Variants in EIF5B observed in about 807,000 individuals in gnomAD.
The protein encoded by EIF5B is eukaryotic translation initiation factor 5B, also known as eIF-5B.
Under a neutral mutation model 147.5 loss-of-function variants are expected in EIF5B, and 47 were observed. The ratio of observed to expected loss-of-function variants is 0.32; its 90% CI spans 0.25 to 0.41. The LOEUF is 0.41. EIF5B is among the 10% of genes least tolerant of loss of function. The probability of loss-of-function intolerance (pLI) is 1.00; values close to 1 mark genes in which losing one functional copy is unlikely to be tolerated. For synonymous variants in EIF5B, 455 were observed against 456.2 expected, an observed-to-expected ratio of 1.00 and a Z score of 0.03; for missense variants, 1,064 against 1,413.2, an observed-to-expected ratio of 0.75 and a Z score of 3.96.
Position 99,399,471 on chromosome 2 carries a change from A to G in EIF5B, c.*57A>G. 6.6e-7 allele frequency: 1 copy of G among 1,522,868 alleles called. No individual in the cohort carries two copies. Among genetic ancestry groups the G allele is most frequent in the Non-Finnish European group, 9.1e-7 (1 of 1,103,298 alleles). The allele number at this position is 1,522,868 out of a possible 1,614,324, so 94.3% of individuals were successfully genotyped here. A position where few individuals can be genotyped will look rare whatever the true frequency, so the allele number is the denominator to read the frequency against. On this transcript the variant is annotated 3_prime_UTR_variant, in exon 24 of 24. Transcript: ENST00000289371. ...TGCAATACTGTGTTGTAATATCCCA[A>G]CAAAAATCAGACAAAAAATGGAACA...
At chr2:99,391,392 G>GT (rs1435426747) in intron 17 of EIF5B, among the ~76,000 whole-genome samples, 6 of 152,148 alleles carry the variant, frequency 3.9e-5, no homozygotes, top group African/African-American at 1.2e-4. Flanking sequence ...GTCAGCTGTA[G>GT]TTTTTTAACA....
chr2:99,392,044 G>GA (rs942772373), intron 17 of EIF5B, among the ~76,000 whole-genome samples: 57 of 144,118 alleles, frequency 4.0e-4, no homozygotes, highest in South Asian at 6.5e-4. Context: ...TTCCTTTAGT[G>GA]AAAAAAAAAA....
chr2:99,397,986 C>T (rs557769359), intron 22 of EIF5B: 12 of 149,198 alleles, frequency 8.0e-5, no homozygotes, highest in African/African-American at 3.0e-4. Flanking sequence ...CTCAGATTTT[C>T]TATTGTGGTC....
intron 23 of EIF5B, 58 bp from the exon 24 acceptor site, chr2:99,399,249 C>T: frequency 6.5e-7 from 1 of 1,533,894 alleles, no homozygotes; most frequent in Non-Finnish European, 9.0e-7. Flanking sequence ...GGGGCCACAG[C>T]TTTCTTTGGC....
At chr2:99,339,282 G>A (rs961742322) in intron 1 of EIF5B, among the ~76,000 whole-genome samples, 5 of 151,724 alleles carry the variant, frequency 3.3e-5, no homozygotes, top group Non-Finnish European at 5.9e-5. Context: ...CAAAGTGCTG[G>A]GATTACAGGC....
At chr2:99,379,224 C>T in intron 11 of EIF5B, 94 bp from the exon 12 acceptor site, 1 of 1,393,904 alleles carries the variant, frequency 7.2e-7, no homozygotes. Context: ...ATAAGCAATT[C>T]TGCTTACAAT....
chr2:99,369,517 T>G (rs376791708), intron 8 of EIF5B, 36 bp downstream of exon 8: 1 of 1,504,590 alleles, frequency 6.6e-7, no homozygotes, highest in Non-Finnish European at 9.1e-7. Flanking sequence ...ATTAGTGAAT[T>G]CTTATTAAAT....
chr2:99,338,538 A>C, intron 1 of EIF5B: 1 of 332,768 alleles, frequency 3.0e-6, no homozygotes, highest in Admixed American at 4.2e-5. Flanking sequence ...AAGTTAAAAT[A>C]AGTTTACTAA....
In EIF5B at chr2:99,390,227, T is replaced by C. The variant is rs779089793; in HGVS notation, c.2412T>C (p.Asn804=). 1 of 1,614,078 alleles carries C rather than the reference T, an allele frequency of 6.2e-7. No homozygotes were observed. Among genetic ancestry groups the C allele is most frequent in the Admixed American group, 1.7e-5 (1 of 60,018 alleles). The part of the protein sequence containing the change: ...IIVEFAQQGL[N]AALFYENKDP... ...ATGATTTTTGCTCCTAGGGTTTGAATGCTGCTTTGTTTTATGAGAATAAAG... is the reference window on the plus strand; with the variant it reads ...ATGATTTTTGCTCCTAGGGTTTGAACGCTGCTTTGTTTTATGAGAATAAAG... The change falls in exon 16 of 24, where the codon AAT becomes AAC. Residue 804 remains asparagine (N), a synonymous_variant. Coordinates refer to ENST00000289371, the MANE Select transcript of EIF5B (RefSeq NM_015904.4).
At chr2:99,379,205 A>G (rs1467913666) in intron 11 of EIF5B, 79 bp downstream of exon 11, 7 of 1,411,256 alleles carry the variant, frequency 5.0e-6, no homozygotes, top group South Asian at 2.6e-5. Context: ...TTAGAGACCA[A>G]TAGGACATAT....
intron 6 of EIF5B, 28 bp downstream of exon 6, chr2:99,364,449 G>T (rs1216917988): frequency 4.5e-6 from 7 of 1,556,188 alleles, no homozygotes; most frequent in Non-Finnish European, 6.1e-6. Flanking sequence ...TTAACTGAAT[G>T]GTCAGAGAGC....
At chr2:99,352,622 A>C (rs1319830239) in intron 1 of EIF5B, among the ~76,000 whole-genome samples, 1 of 150,704 alleles carries the variant, frequency 6.6e-6, no homozygotes, top group Non-Finnish European at 1.5e-5. Context: ...GATTACAGGC[A>C]TGTGCCACCG....
At chr2:99,378,551 A>G (rs569893332) in intron 10 of EIF5B, among the ~76,000 whole-genome samples, 1 of 152,338 alleles carries the variant, frequency 6.6e-6, no homozygotes, top group African/African-American at 2.4e-5. Context: ...TATATTGGAT[A>G]AAAGTGTGAA....
chr2:99,370,763 A>G (rs1674430047), intron 8 of EIF5B, among the ~76,000 whole-genome samples: 1 of 152,222 alleles, frequency 6.6e-6, no homozygotes, highest in Non-Finnish European at 1.5e-5. Flanking sequence ...GTTAGATTTC[A>G]GTAAAGAAAA....
chr2:99,365,752 C>T (rs1013153595), intron 6 of EIF5B, among the ~76,000 whole-genome samples: 4 of 151,858 alleles, frequency 2.6e-5, no homozygotes, highest in African/African-American at 9.7e-5. Context: ...GTCTCTTACT[C>T]TTCATAGTGT....
rs1674968126 is a variant in EIF5B at position 99,393,037 on chromosome 2, A to G, written c.2819A>G (p.Lys940Arg). 1.1e-5 allele frequency: 17 copies of G among 1,593,506 alleles called. No individual in the cohort carries two copies. Among genetic ancestry groups the G allele is most frequent in the Non-Finnish European group, 1.5e-5 (17 of 1,170,050 alleles). The change falls in exon 18 of 24, where the codon AAA becomes AGA. Residue 940 changes from lysine (K) to arginine (R), a missense_variant. Physicochemically the swap from Lys to Arg is conservative, Grantham distance 26. Coordinates refer to ENST00000289371, the MANE Select transcript of EIF5B (RefSeq NM_015904.4). Reference protein sequence around the residue: ...GVKILGKDLEKTLAGLPLLVA... With the variant: ...GVKILGKDLERTLAGLPLLVA... Reference sequence around the variant, plus strand: ...AAGATTCTTGGAAAAGACCTGGAGAAAACATTGGCTGGTTTACCCCTCCTT... The same window carrying G: ...AAGATTCTTGGAAAAGACCTGGAGAGAACATTGGCTGGTTTACCCCTCCTT...
At chr2:99,357,680 C>G (rs1370340484) in intron 1 of EIF5B, among the ~76,000 whole-genome samples, 1 of 151,994 alleles carries the variant, frequency 6.6e-6, no homozygotes. Flanking sequence ...GGGTGAGGGC[C>G]GATAAATTTT....
chr2:99,389,673 G>A (rs535619613), intron 14 of EIF5B, 45 bp from the exon 15 acceptor site: 1 of 1,560,010 alleles, frequency 6.4e-7, no homozygotes, highest in Non-Finnish European at 8.7e-7. Context: ...GTTCTTGAAT[G>A]TTCTGAATTT....
At chr2:99,379,239 A>G (rs1674640250) in intron 11 of EIF5B, 79 bp from the exon 12 acceptor site, 4 of 1,442,748 alleles carry the variant, frequency 2.8e-6, no homozygotes, top group Admixed American at 2.1e-5. Flanking sequence ...TACAATAAAT[A>G]AGTTGCTAAT....
Sources: gnomAD v4.1 joint callset for allele counts (sites outside exome capture counted in the v4.1 genomes callset) on GRCh38, gnomAD v4.1.1 for gene constraint, MANE v1.5 for transcripts, NCBI Gene and HGNC (gene_info 2026-07-23, HGNC 2026-07-21) for gene names.